The following RBFOX1 variants were observed in gnomAD, a reference collection of about 807,000 sequenced individuals.
RBFOX1 encodes RNA binding fox-1 homolog 1, also known as RNA binding protein fox-1 homolog 1.
Under a neutral mutation model 57.7 loss-of-function variants are expected in RBFOX1, and 8 were observed. The ratio of observed to expected loss-of-function variants is 0.14; its 90% confidence interval spans 0.08 to 0.25. The LOEUF (loss-of-function observed/expected upper bound fraction) is 0.25, where lower values mean the gene tolerates loss of function less well. Ranked by LOEUF, RBFOX1 falls within the 10% of genes least tolerant of loss-of-function variation. RBFOX1 has a pLI of 1.00. For missense variants in RBFOX1, 611 were observed against 548.5 expected, an observed-to-expected ratio of 1.11 and a Z score of -1.14; for synonymous variants, 326 against 222.4, an observed-to-expected ratio of 1.47 and a Z score of -4.15.
intron 4 of RBFOX1, among the ~76,000 whole-genome samples, chr16:7,275,570 G>GA (rs2095424673): frequency 6.6e-6 from 1 of 152,192 alleles, no homozygotes; most frequent in South Asian, 2.1e-4. Context: ...CTTCTTTAGT[G>GA]AAAGATTACC....
chr16:7,513,762 G>T (rs1475296852), intron 4 of RBFOX1, among the ~76,000 whole-genome samples: 1 of 152,194 alleles, frequency 6.6e-6, no homozygotes, highest in African/African-American at 2.4e-5. Context: ...AGGAGAAGGG[G>T]CTGCTTTTCA....
intron 3 of RBFOX1, among the ~76,000 whole-genome samples, chr16:7,008,356 G>C (rs914562768): frequency 6.6e-6 from 1 of 151,970 alleles, no homozygotes; most frequent in African/African-American, 2.4e-5. Flanking sequence ...ATTCTGGCCA[G>C]TATGATGAAA....
chr16:5,840,550 T>G (rs575371259), intron 3 of RBFOX1, among the ~76,000 whole-genome samples: 1 of 152,288 alleles, frequency 6.6e-6, no homozygotes, highest in South Asian at 2.1e-4. Context: ...TCATGATCTT[T>G]ACATAAACAC....
At chr16:7,146,593 G>T (rs973316660) in intron 4 of RBFOX1, among the ~76,000 whole-genome samples, 1 of 152,120 alleles carries the variant, frequency 6.6e-6, no homozygotes, top group African/African-American at 2.4e-5. Context: ...AGAAGAATAA[G>T]CTTATGATAC....
intron 2 of RBFOX1, among the ~76,000 whole-genome samples, chr16:5,499,720 C>T (rs1297063638): frequency 6.6e-6 from 1 of 151,880 alleles, no homozygotes; most frequent in Admixed American, 6.6e-5. Flanking sequence ...TTACAGGTGC[C>T]CACCACCACG....
At chr16:6,468,830 G>C (rs2191425) in intron 2 of RBFOX1, among the ~76,000 whole-genome samples, 53,783 of 151,790 alleles carry the variant, frequency 0.35, 11,080 homozygotes, top group South Asian at 0.61. Flanking sequence ...ATGCAGGTTT[G>C]TAACATAGGT....
chr16:7,262,951 A>C (rs900503407), intron 4 of RBFOX1, among the ~76,000 whole-genome samples: 1 of 152,150 alleles, frequency 6.6e-6, no homozygotes, highest in Non-Finnish European at 1.5e-5. Context: ...AGAGAGTAAA[A>C]TTTCTGGGAC....
chr16:6,069,385 C>T (rs1406467650), intron 1 of RBFOX1, among the ~76,000 whole-genome samples: 16 of 112,796 alleles, frequency 1.4e-4, no homozygotes, highest in Non-Finnish European at 2.4e-4. Context: ...GCAACAAGAG[C>T]GAAACTCTGC....
chr16:7,017,397 G>A (rs758788520), intron 3 of RBFOX1, among the ~76,000 whole-genome samples: 33 of 152,222 alleles, frequency 2.2e-4, no homozygotes, highest in Non-Finnish European at 4.4e-4. Context: ...CTCTAATAAC[G>A]ATAAAATGCC....
chr16:5,648,545 G>A (rs1417660968), intron 3 of RBFOX1, among the ~76,000 whole-genome samples: 1 of 152,150 alleles, frequency 6.6e-6, no homozygotes, highest in Non-Finnish European at 1.5e-5. Flanking sequence ...CTGGCATCTA[G>A]TGGGCGGAGA....
intron 1 of RBFOX1, among the ~76,000 whole-genome samples, chr16:6,081,174 G>A (rs2095995681): frequency 2.0e-5 from 3 of 152,176 alleles, no homozygotes; most frequent in Admixed American, 2.0e-4. Context: ...GCAGACTGAT[G>A]AAGGCTGTTC....
chr16:6,540,889 G>A (rs552943987), intron 2 of RBFOX1, among the ~76,000 whole-genome samples: 4 of 152,000 alleles, frequency 2.6e-5, no homozygotes, highest in South Asian at 2.1e-4. Context: ...TTATAAATCC[G>A]TTAAAATGTC....
At chr16:7,544,924 G>A (rs1601459305) in intron 5 of RBFOX1, among the ~76,000 whole-genome samples, 1 of 152,124 alleles carries the variant, frequency 6.6e-6, no homozygotes, top group East Asian at 1.9e-4. Context: ...CCCCGTATCT[G>A]TGATGCTTCA....
At chr16:6,949,176 A>T (rs77190842) in intron 3 of RBFOX1, among the ~76,000 whole-genome samples, 1 of 151,742 alleles carries the variant, frequency 6.6e-6, no homozygotes, top group Non-Finnish European at 1.5e-5. Context: ...TGAAAAGTCT[A>T]AGGTCTAGAA....
chr16:6,562,584 G>T (rs866502413), intron 2 of RBFOX1, among the ~76,000 whole-genome samples: 1 of 152,156 alleles, frequency 6.6e-6, no homozygotes, highest in Non-Finnish European at 1.5e-5. Context: ...TCACTAATAG[G>T]TTATAAGTGG....
chr16:6,744,342 A>G (rs1034549605), intron 3 of RBFOX1, among the ~76,000 whole-genome samples: 1 of 152,132 alleles, frequency 6.6e-6, no homozygotes, highest in African/African-American at 2.4e-5. Context: ...AGTATTAATT[A>G]ATTTGCCTTA....
chr16:6,871,811 G>T (rs1040703691), intron 3 of RBFOX1, among the ~76,000 whole-genome samples: 1 of 152,102 alleles, frequency 6.6e-6, no homozygotes, highest in African/African-American at 2.4e-5. Flanking sequence ...AATGTTGTCA[G>T]TGGCCCTCAA....
At chr16:5,908,179 C>A (rs964692422) in intron 4 of RBFOX1, among the ~76,000 whole-genome samples, 1 of 98,946 alleles carries the variant, frequency 1.0e-5, no homozygotes, top group African/African-American at 3.4e-5. Context: ...CATATATACA[C>A]ATATATACAC....
At chr16:7,085,620 T>C (rs1036614588) in intron 4 of RBFOX1, among the ~76,000 whole-genome samples, 10 of 152,116 alleles carry the variant, frequency 6.6e-5, no homozygotes, top group Non-Finnish European at 1.0e-4. Context: ...GTAGGGTGCT[T>C]AGTTATTTTT....
Sources: allele counts gnomAD v4.1 joint callset (sites outside exome capture counted in the v4.1 genomes callset), GRCh38; gene constraint gnomAD v4.1.1; transcripts MANE v1.5; gene names NCBI Gene and HGNC (gene_info 2026-07-23, HGNC 2026-07-21).